Variants in PXDN observed in about 807,000 individuals in gnomAD.
The protein encoded by PXDN is peroxidasin, also known as peroxidasin homolog.
Under a neutral mutation model 140.3 loss-of-function variants are expected in PXDN, and 77 were observed. The observed-to-expected ratio is 0.55, with a 90% confidence interval of 0.46 to 0.66. The LOEUF (loss-of-function observed/expected upper bound fraction) is 0.66, where lower values mean the gene tolerates loss of function less well. Ranked by LOEUF, PXDN falls within the 30% of genes least tolerant of loss-of-function variation. The pLI, the probability that PXDN is intolerant of heterozygous loss-of-function variation, is 0.00. For synonymous variants in PXDN, 911 were observed against 857.4 expected (o/e 1.06, Z -1.09); for missense variants, 1,838 against 2,039.5 (o/e 0.90, Z 1.90).
At chr2:1,663,148 A>G (rs927431116) in intron 12 of PXDN, among the ~76,000 whole-genome samples, 21 of 152,180 alleles carry the variant, frequency 1.4e-4, no homozygotes, top group Non-Finnish European at 2.6e-4. Flanking sequence ...GATGAAGACC[A>G]GGGTCCAAGG....
intron 1 of PXDN, among the ~76,000 whole-genome samples, chr2:1,709,626 C>T (rs189284723): frequency 1.3e-3 from 203 of 152,302 alleles, no homozygotes; most frequent in African/African-American, 4.7e-3. Context: ...CGCACCTGCC[C>T]GGCCCCAGGA....
At chr2:1,646,817 A>G (rs1031057640) in intron 17 of PXDN, among the ~76,000 whole-genome samples, 1 of 152,244 alleles carries the variant, frequency 6.6e-6, no homozygotes, top group Non-Finnish European at 1.5e-5. Context: ...CCTAATACAC[A>G]GTGACCTGTG....
At chr2:1,686,416 C>T (rs557358163) in intron 4 of PXDN, among the ~76,000 whole-genome samples, 4 of 135,276 alleles carry the variant, frequency 3.0e-5, no homozygotes, top group African/African-American at 8.1e-5. Flanking sequence ...CATTCAGCCT[C>T]GTTTCTCCCC....
At chr2:1,641,930 A>G (rs1682736133) in intron 19 of PXDN, among the ~76,000 whole-genome samples, 1 of 152,232 alleles carries the variant, frequency 6.6e-6, no homozygotes, top group Admixed American at 6.5e-5. Context: ...AAACAGAACA[A>G]ATTTTCTACC....
intron 1 of PXDN, among the ~76,000 whole-genome samples, chr2:1,694,627 CT>C (rs1444507046): frequency 2.0e-5 from 3 of 152,236 alleles, no homozygotes; most frequent in African/African-American, 7.2e-5. Flanking sequence ...CACCCTCCCC[CT>C]GCACCGCCAT....
Position 1,673,675 on chromosome 2 carries a change from T to G in PXDN, c.986A>C (p.Gln329Pro). 2 of 1,613,812 alleles carry G rather than the reference T, an allele frequency of 1.2e-6. No individual in the cohort carries two copies. The highest frequency in any genetic ancestry group is 1.7e-6 in the Non-Finnish European group (2 of 1,179,748). The change falls in exon 9 of 23, where the codon CAA becomes CCA. Residue 329 changes from glutamine to proline, a missense_variant. By Grantham distance (76) the Gln-to-Pro change is moderately conservative (BLOSUM62 -1). Coordinates refer to ENST00000252804, the MANE Select transcript of PXDN (RefSeq NM_012293.3). ...CCCGAAGTACCTGAGGGTCACCTCT[T>G]GCGTCTTCACCTCTCCGGCCACGTT... Reference protein sequence around the residue: ...AKNVAGEVKTQEVTLRYFGSP... With the variant: ...AKNVAGEVKTPEVTLRYFGSP...
intron 1 of PXDN, among the ~76,000 whole-genome samples, chr2:1,726,963 C>G (rs1011310496): frequency 6.6e-6 from 1 of 152,186 alleles, no homozygotes; most frequent in Non-Finnish European, 1.5e-5. Context: ...GAAGGGCACA[C>G]TCACGGATCA....
chr2:1,710,261 G>A (rs534393691), intron 1 of PXDN, among the ~76,000 whole-genome samples: 6 of 152,270 alleles, frequency 3.9e-5, no homozygotes, highest in South Asian at 2.1e-4. Context: ...TGTGGGCCAC[G>A]TCTATAAATA....
At chr2:1,692,206 G>T (rs182191345) in intron 2 of PXDN, among the ~76,000 whole-genome samples, 2 of 152,356 alleles carry the variant, frequency 1.3e-5, no homozygotes, top group Admixed American at 1.3e-4. Flanking sequence ...GAGCAATGGT[G>T]TCCGTACCAC....
At chr2:1,675,525 C>A (rs752188140) in intron 8 of PXDN, among the ~76,000 whole-genome samples, 1 of 152,186 alleles carries the variant, frequency 6.6e-6, no homozygotes, top group Non-Finnish European at 1.5e-5. Context: ...AGAGTGACTG[C>A]ACCTTACAGG....
At chr2:1,734,288 A>ATG in intron 1 of PXDN, among the ~76,000 whole-genome samples, 1 of 152,254 alleles carries the variant, frequency 6.6e-6, no homozygotes, top group African/African-American at 2.4e-5. Flanking sequence ...CATCTAAAAA[A>ATG]TATACATACT....
chr2:1,644,653 G>T lies in PXDN; in HGVS notation c.3708C>A (p.Leu1236=). Residue 1236 remains leucine, a synonymous_variant, in exon 18 of 23, where the codon CTC becomes CTA. Coordinates refer to ENST00000252804, the MANE Select transcript of PXDN (RefSeq NM_012293.3). ...SRLGPTLMCL[L]STQFKRLRDG... ...CTCGCAGGCGCTTGAACTGTGTGCT[G>T]AGAAGACACATCAGGGTGGGGCCCA... The T allele has an allele frequency of 6.2e-7, 1 of 1,608,668 alleles. No individual in the cohort carries two copies. Among genetic ancestry groups the T allele is most frequent in the Non-Finnish European group, 8.5e-7 (1 of 1,176,424 alleles).
intron 9 of PXDN, chr2:1,672,166 T>C (rs1683593858): frequency 1.3e-5 from 2 of 152,208 alleles, no homozygotes; most frequent in South Asian, 4.1e-4. Flanking sequence ...GGCGGGAGAC[T>C]CTTCATGTGT....
chr2:1,718,323 C>T (rs1263244416), intron 1 of PXDN, among the ~76,000 whole-genome samples: 1 of 146,698 alleles, frequency 6.8e-6, no homozygotes, highest in Non-Finnish European at 1.5e-5. Flanking sequence ...AAAACTCAAA[C>T]CTACTCCACT....
chr2:1,712,794 G>A (rs994977505), intron 1 of PXDN, among the ~76,000 whole-genome samples: 2 of 152,052 alleles, frequency 1.3e-5, no homozygotes, highest in Non-Finnish European at 2.9e-5. Flanking sequence ...GTGCAATCTC[G>A]GCTCCCTGCA....
intron 1 of PXDN, among the ~76,000 whole-genome samples, chr2:1,706,239 A>C (rs561359503): frequency 6.6e-6 from 1 of 152,284 alleles, no homozygotes; most frequent in South Asian, 2.1e-4. Flanking sequence ...TCTATCTGGG[A>C]GGGTGGGGCT....
intron 3 of PXDN, among the ~76,000 whole-genome samples, chr2:1,689,822 T>A (rs756629894): frequency 3.3e-5 from 5 of 150,794 alleles, no homozygotes; most frequent in Non-Finnish European, 5.9e-5. Context: ...ACCATAATAA[T>A]AAATTGTGAT....
intron 1 of PXDN, among the ~76,000 whole-genome samples, chr2:1,699,132 G>C (rs1273137102): frequency 6.6e-6 from 1 of 152,162 alleles, no homozygotes; most frequent in Non-Finnish European, 1.5e-5. Flanking sequence ...AATAGTTGAA[G>C]GTTAGAACTA....
chr2:1,692,088 G>A, intron 2 of PXDN, 89 bp from the exon 3 acceptor site: 6 of 958,694 alleles, frequency 6.3e-6, no homozygotes, highest in Non-Finnish European at 9.4e-6. Flanking sequence ...CTTGGAAAAG[G>A]TCACATTGAC....
Sources: gnomAD v4.1 joint callset for allele counts (sites outside exome capture counted in the v4.1 genomes callset) on GRCh38, gnomAD v4.1.1 for gene constraint, MANE v1.5 for transcripts, NCBI Gene and HGNC (gene_info 2026-07-23, HGNC 2026-07-21) for gene names.